The following WNK3 variants were observed in gnomAD, a reference collection of about 807,000 sequenced individuals.
WNK3 encodes serine/threonine-protein kinase WNK3.
WNK3 carries 18 observed loss-of-function variants against 116.7 expected under a neutral mutation model. The observed-to-expected ratio is 0.15, with a 90% CI of 0.11 to 0.23. The LOEUF (loss-of-function observed/expected upper bound fraction) is 0.23, where lower values mean the gene tolerates loss of function less well. Ranked by LOEUF, WNK3 falls within the 10% of genes least tolerant of loss-of-function variation. The pLI is 1.00. For missense variants in WNK3, 993 were observed against 1,323.8 expected (o/e 0.75, Z 3.88); for synonymous variants, 404 against 469.4 (o/e 0.86, Z 1.80).
intron 2 of WNK3, among the ~76,000 whole-genome samples, chrX:54,320,990 G>A (rs1327247912): frequency 1.8e-5 from 2 of 110,073 alleles, no homozygotes; most frequent in Non-Finnish European, 3.8e-5. Context: ...TCCACCTCCC[G>A]GGTTCAAGCA....
At chrX:54,345,422 G>A (rs1557177401) in intron 1 of WNK3, among the ~76,000 whole-genome samples, 3 of 109,944 alleles carry the variant, frequency 2.7e-5, no homozygotes, top group Non-Finnish European at 5.7e-5. Context: ...AAACATACTC[G>A]GAATGAACTA....
chrX:54,351,987 A>G (rs782205914), intron 1 of WNK3, among the ~76,000 whole-genome samples: 18 of 112,203 alleles, frequency 1.6e-4, no homozygotes, highest in African/African-American at 5.5e-4. Flanking sequence ...TGCAAATCAC[A>G]TATCTGATTA....
rs1236816463 is a variant in WNK3, at chrX:54,298,463, A to G, written c.1179-69T>C. 1.5e-5 allele frequency: 12 copies of G among 809,967 alleles called. No individual in the cohort carries two copies. The Admixed American group carries it at 3.9e-4, about 26-fold the overall frequency. The allele number at this position is 809,967 out of a possible 1,213,427, so 66.8% of individuals were successfully genotyped here. A position where few individuals can be genotyped will look rare whatever the true frequency, so the allele number is the denominator to read the frequency against. On this transcript the variant is annotated intron_variant, in intron 6 of 23. Coordinates refer to ENST00000354646, the Ensembl canonical transcript of WNK3. ...TAGCAAGACCCTTTAATTACTAAAA[A>G]TTAATTGTATAAAAGCAAAAAACTT...
At chrX:54,232,782 T>A (rs1231698640) in intron 21 of WNK3, 27 bp downstream of exon 21, 17 of 1,169,214 alleles carry the variant, frequency 1.5e-5, no homozygotes, top group Admixed American at 2.4e-5. Flanking sequence ...CTAGATTTTT[T>A]AAAAATTACT....
intron 22 of WNK3, among the ~76,000 whole-genome samples, chrX:54,222,915 A>ATATATAT (rs1557146885): frequency 3.7e-5 from 3 of 81,042 alleles, no homozygotes; most frequent in African/African-American, 1.7e-4. Flanking sequence ...TAATAATAAT[A>ATATATAT]ATATATATAT....
chrX:54,304,208 A>T (rs1163040136), intron 5 of WNK3, among the ~76,000 whole-genome samples: 1 of 110,569 alleles, frequency 9.0e-6, no homozygotes, highest in African/African-American at 3.3e-5. Flanking sequence ...TCCAGTTTAC[A>T]TCTCTAACAG....
chrX:54,275,930 T>C (rs1557160637), intron 10 of WNK3, among the ~76,000 whole-genome samples: 7 of 109,486 alleles, frequency 6.4e-5, no homozygotes, highest in Non-Finnish European at 1.9e-5. Flanking sequence ...GGAAAGAAAA[T>C]TACAAGAAAT....
Position 54,320,694 on chromosome X carries a change from C to CTT in WNK3, c.538-9405_538-9404dup, listed in dbSNP as rs781895250. ...GACATGCCACTATGCCTATGCTCAG[C>CTT]TTTTTTTTTTTTTCTTTCTGTGGAG... is the stretch of plus-strand genomic sequence containing the variant. On this transcript the variant is annotated intron_variant, in intron 2 of 23. Transcript: ENST00000354646. Among the ~76,000 whole-genome samples, 4 of 101,782 alleles carry CTT rather than the reference C, an allele frequency of 3.9e-5. 1 individual carries two copies. Among genetic ancestry groups the CTT allele is most frequent in the Middle Eastern group, 0.01 (2 of 200 alleles). 88.4% of individuals were successfully genotyped at this position (101,782 alleles called of 115,157 possible). A position where few individuals can be genotyped will look rare whatever the true frequency, so the allele number is the denominator to read the frequency against.
chrX:54,266,356 C>A (rs1175827488), intron 10 of WNK3, among the ~76,000 whole-genome samples: 1 of 109,386 alleles, frequency 9.1e-6, no homozygotes, highest in African/African-American at 3.3e-5. Flanking sequence ...AAAAATTAAT[C>A]AGAAAAACTG....
chrX:54,274,902 T>C (rs782294762), intron 10 of WNK3, among the ~76,000 whole-genome samples: 6 of 108,022 alleles, frequency 5.6e-5, no homozygotes, highest in Non-Finnish European at 9.6e-5. Flanking sequence ...TCCCAGCTAC[T>C]TGTGAGGCTG....
chrX:54,295,334 A>G (rs1322283149), intron 7 of WNK3, among the ~76,000 whole-genome samples: 2 of 111,615 alleles, frequency 1.8e-5, no homozygotes, highest in Admixed American at 9.6e-5. Flanking sequence ...GAGAAAAATC[A>G]ATAGTATTAC....
At chrX:54,209,599 G>T (rs1320939963) in intron 22 of WNK3, among the ~76,000 whole-genome samples, 2 of 82,534 alleles carry the variant, frequency 2.4e-5, no homozygotes, top group Non-Finnish European at 4.5e-5. Context: ...CACCCAGGCT[G>T]GAGTGCAGTG....
At position 54,224,221 on chromosome X, in the gene WNK3, A is replaced by T. The variant is rs193031579; in HGVS notation, c.4870+4493T>A. 1.4e-3 allele frequency among the ~76,000 whole-genome samples: 151 copies of T among 110,186 alleles called. 2 individuals carry two copies. Among genetic ancestry groups the T allele is most frequent in the African/African-American group, 4.8e-3 (145 of 30,288 alleles). On this transcript the variant is annotated intron_variant, in intron 22 of 23. Transcript: ENST00000354646. ...TACAAAATTAGCTGGGTGTGGTGGC[A>T]CATGCCTGTAATCCCAGGTACTAGG...
chrX:54,195,578 T>TG (rs782143691), exon 24 of WNK3: 1 of 111,816 alleles, frequency 8.9e-6, no homozygotes, highest in East Asian at 2.8e-4. Context: ...ATGTAAGTCA[T>TG]GGGAAAAAAT....
At chrX:54,275,012 TAAAA>T (rs142853353) in intron 10 of WNK3, among the ~76,000 whole-genome samples, 15 of 39,951 alleles carry the variant, frequency 3.8e-4, no homozygotes, top group African/African-American at 9.7e-4. Context: ...CCCTGTCACA[TAAAA>T]AAAAAAAAAA....
At chrX:54,193,719 C>T (rs782727427) in exon 24 of WNK3, 79 of 111,142 alleles carry the variant, frequency 7.1e-4, no homozygotes, top group African/African-American at 2.6e-3. Context: ...GCATTTGGTT[C>T]CATAAAAATT....
chrX:54,202,335 C>T (rs1459223385), intron 22 of WNK3, 142 bp from the exon 23 acceptor site: 17 of 518,454 alleles, frequency 3.3e-5, no homozygotes, highest in East Asian at 1.8e-4. Context: ...AGTTTACCTG[C>T]GTCGTCCTGG....
chrX:54,231,463 T>G (rs1273756544), intron 21 of WNK3, among the ~76,000 whole-genome samples: 1 of 112,021 alleles, frequency 8.9e-6, no homozygotes, highest in Non-Finnish European at 1.9e-5. Context: ...CTGAAGGCTA[T>G]AGGAGAGATG....
chrX:54,338,109 A>T (rs1033869557), intron 1 of WNK3, among the ~76,000 whole-genome samples: 4 of 109,906 alleles, frequency 3.6e-5, no homozygotes, highest in Non-Finnish European at 5.7e-5. Context: ...TGTTGGGAAA[A>T]TTTTTTTTTA....
Sources: gnomAD v4.1 joint callset for allele counts (sites outside exome capture counted in the v4.1 genomes callset) on GRCh38, gnomAD v4.1.1 for gene constraint, MANE v1.5 for transcripts, NCBI Gene and HGNC (gene_info 2026-07-23, HGNC 2026-07-21) for gene names.